RFX4: variants seen among roughly 807,000 people sequenced by gnomAD.
RFX4 encodes regulatory factor X4, also known as transcription factor RFX4.
A neutral mutation model predicts 95.0 loss-of-function variants in RFX4; 10 were observed. That is an observed-to-expected ratio of 0.11 (90% CI 0.06 to 0.18). The LOEUF (loss-of-function observed/expected upper bound fraction) is 0.18, where lower values mean the gene tolerates loss of function less well. Among genes scored for constraint, RFX4 ranks in the 10% least tolerant of loss-of-function variants. RFX4 has a pLI of 1.00. For synonymous variants in RFX4, 321 were observed against 340.7 expected (o/e 0.94, Z 0.64); for missense variants, 640 against 922.0 (o/e 0.69, Z 3.96).
intron 4 of RFX4, among the ~76,000 whole-genome samples, chr12:106,674,918 G>C (rs2041361655): frequency 6.6e-6 from 1 of 152,132 alleles, no homozygotes; most frequent in African/African-American, 2.4e-5. Flanking sequence ...GTTGAACATG[G>C]GGAAAATGAG....
intron 4 of RFX4, among the ~76,000 whole-genome samples, chr12:106,673,847 C>T (rs2041339295): frequency 1.3e-5 from 2 of 152,172 alleles, no homozygotes; most frequent in Admixed American, 1.3e-4. Flanking sequence ...TGCACTGAGC[C>T]ACCTTCTCTC....
intron 13 of RFX4, among the ~76,000 whole-genome samples, chr12:106,729,588 C>T (rs2042571464): frequency 6.6e-6 from 1 of 152,302 alleles, no homozygotes; most frequent in Middle Eastern, 3.4e-3. Context: ...GCTACTTTAC[C>T]TCCCTAAGCC....
chr12:106,584,006 G>T (rs1055176148), intron 1 of RFX4, among the ~76,000 whole-genome samples: 4 of 152,226 alleles, frequency 2.6e-5, no homozygotes, highest in African/African-American at 9.6e-5. Flanking sequence ...CCAACGCCGG[G>T]CTCCACTAGG....
intron 5 of RFX4, 29 bp from the exon 6 acceptor site, chr12:106,686,855 C>A: frequency 2.6e-6 from 4 of 1,544,832 alleles, no homozygotes; most frequent in Admixed American, 1.8e-5. Context: ...TTTTTTTTCT[C>A]TCTCTCCCTC....
chr12:106,746,742 C>T (rs2042903123), intron 15 of RFX4, among the ~76,000 whole-genome samples: 1 of 152,170 alleles, frequency 6.6e-6, no homozygotes, highest in Admixed American at 6.5e-5. Flanking sequence ...CAGTAATCTA[C>T]TTATGTTTGC....
chr12:106,589,819 T>C (rs534264036), intron 1 of RFX4, among the ~76,000 whole-genome samples: 1 of 152,328 alleles, frequency 6.6e-6, no homozygotes, highest in South Asian at 2.1e-4. Flanking sequence ...ATCCTGTGAC[T>C]CCGCCTTTAA....
intron 4 of RFX4, among the ~76,000 whole-genome samples, chr12:106,660,189 A>G (rs987514947): frequency 6.6e-6 from 1 of 151,988 alleles, no homozygotes; most frequent in South Asian, 2.1e-4. Context: ...GTCTGCCTCC[A>G]AGGAGAAGGC....
At chr12:106,734,681 GAAC>G (rs2042677585) in intron 15 of RFX4, among the ~76,000 whole-genome samples, 1 of 152,038 alleles carries the variant, frequency 6.6e-6, no homozygotes, top group Admixed American at 6.5e-5. Flanking sequence ...CATGAAGGAG[GAAC>G]AACAAACTTA....
At chr12:106,596,237 C>A (rs186790794) in intron 1 of RFX4, among the ~76,000 whole-genome samples, 2 of 152,248 alleles carry the variant, frequency 1.3e-5, no homozygotes, top group East Asian at 1.9e-4. Context: ...GCTGTTCTTG[C>A]GATAGTCAGT....
chr12:106,703,912 A>G (rs1392749858), intron 8 of RFX4, among the ~76,000 whole-genome samples: 1 of 149,212 alleles, frequency 6.7e-6, no homozygotes, highest in African/African-American at 2.4e-5. Flanking sequence ...CGAAAAATAC[A>G]AAAATTAGCT....
intron 11 of RFX4, among the ~76,000 whole-genome samples, chr12:106,719,429 A>G (rs1162873009): frequency 1.3e-5 from 2 of 152,228 alleles, no homozygotes; most frequent in Non-Finnish European, 2.9e-5. Flanking sequence ...GGTAACAACT[A>G]TGTCACAGAT....
Position 106,761,838 on chromosome 12 carries a change from C to T in RFX4, c.*369C>T, listed in dbSNP as rs1177304629. On this transcript the variant is annotated 3_prime_UTR_variant, in exon 18 of 18. Transcript: ENST00000392842. ...TTCCTGTTGACAAAATCTCTTTAGT[C>T]TTGAAGGATGGATACTGGAGACAGA... 1.3e-5 allele frequency: 2 copies of T among 153,314 alleles called. No homozygotes were observed. Among genetic ancestry groups the T allele is most frequent in the Admixed American group, 6.5e-5 (1 of 15,280 alleles). The allele number at this position is 153,314 out of a possible 1,614,324, so 9.5% of individuals were successfully genotyped here.
chr12:106,724,652 C>T (rs548080364), intron 13 of RFX4, among the ~76,000 whole-genome samples: 3 of 152,172 alleles, frequency 2.0e-5, no homozygotes, highest in African/African-American at 7.2e-5. Flanking sequence ...AAAATAAAGA[C>T]ATAATCAGTT....
intron 4 of RFX4, among the ~76,000 whole-genome samples, chr12:106,661,471 C>A (rs149737251): frequency 0.012 from 1,768 of 152,276 alleles, 16 homozygotes; most frequent in Middle Eastern, 0.041. Flanking sequence ...TACACTTGCC[C>A]AGCCTCCCCC....
intron 8 of RFX4, among the ~76,000 whole-genome samples, chr12:106,702,358 G>A (rs1213180580): frequency 5.9e-5 from 9 of 152,206 alleles, no homozygotes; most frequent in East Asian, 1.9e-4. Flanking sequence ...CAGTCTATTC[G>A]GGAGTTCATT....
chr12:106,630,450 C>T (rs1344986004), intron 2 of RFX4, among the ~76,000 whole-genome samples: 3 of 152,190 alleles, frequency 2.0e-5, no homozygotes, highest in Admixed American at 2.0e-4. Context: ...GGGATTTAGC[C>T]ACGTTCCCAC....
intron 3 of RFX4, among the ~76,000 whole-genome samples, chr12:106,649,230 C>T (rs1056510675): frequency 1.3e-5 from 2 of 152,136 alleles, no homozygotes; most frequent in Non-Finnish European, 2.9e-5. Flanking sequence ...TTTCTTTCTG[C>T]CATGCTTTGG....
intron 7 of RFX4, among the ~76,000 whole-genome samples, chr12:106,690,334 C>G (rs1011153240): frequency 6.6e-6 from 1 of 152,162 alleles, no homozygotes; most frequent in Non-Finnish European, 1.5e-5. Context: ...TCCCAAATTA[C>G]TTGAGCAATA....
At chr12:106,636,296 A>T (rs1364417212) in intron 2 of RFX4, among the ~76,000 whole-genome samples, 3 of 151,624 alleles carry the variant, frequency 2.0e-5, no homozygotes, top group Admixed American at 2.0e-4. Flanking sequence ...GGGCTGAGGC[A>T]GGAGAATCAC....
Sources: gnomAD v4.1 joint callset for allele counts (sites outside exome capture counted in the v4.1 genomes callset) on GRCh38, gnomAD v4.1.1 for gene constraint, MANE v1.5 for transcripts, NCBI Gene and HGNC (gene_info 2026-07-23, HGNC 2026-07-21) for gene names.